Variants in CEP112 observed in about 807,000 individuals in gnomAD.
CEP112 encodes the protein centrosomal protein of 112 kDa.
A neutral mutation model predicts 153.0 loss-of-function variants in CEP112; 127 were observed. That is an observed-to-expected ratio of 0.83 (90% confidence interval 0.72 to 0.96). The LOEUF (loss-of-function observed/expected upper bound fraction) is 0.96. Among genes scored for constraint, CEP112 ranks in the 40% least tolerant of loss-of-function variants. CEP112 has a pLI of 0.00. For missense variants in CEP112, 1,089 were observed against 1,101.2 expected (o/e 0.99, Z 0.16); for synonymous variants, 358 against 374.4 (o/e 0.96, Z 0.51).
chr17:66,027,933 GT>G (rs2065287636), intron 15 of CEP112, among the ~76,000 whole-genome samples: 1 of 151,180 alleles, frequency 6.6e-6, no homozygotes, highest in African/African-American at 2.4e-5. Context: ...GATCTAAAAG[GT>G]GCAAAAGAGA....
chr17:65,897,161 T>C (rs1352695591), intron 20 of CEP112, among the ~76,000 whole-genome samples: 1 of 151,978 alleles, frequency 6.6e-6, no homozygotes, highest in Non-Finnish European at 1.5e-5. Context: ...AAAAACAGGG[T>C]TACATTAACA....
chr17:66,076,240 A>G (rs2067489498), intron 8 of CEP112, among the ~76,000 whole-genome samples: 1 of 20,730 alleles, frequency 4.8e-5, no homozygotes. Context: ...CCCAGTGTGC[A>G]GACTCCACAG....
chr17:65,801,591 G>A (rs572439307), intron 21 of CEP112, among the ~76,000 whole-genome samples: 34 of 151,984 alleles, frequency 2.2e-4, no homozygotes, highest in Admixed American at 3.9e-4. Context: ...AAATTATCTC[G>A]GTTTGTGTTT....
chr17:65,963,067 C>G (rs967630266), intron 17 of CEP112, among the ~76,000 whole-genome samples: 4 of 152,156 alleles, frequency 2.6e-5, no homozygotes, highest in African/African-American at 9.7e-5. Context: ...CAAGGTTACA[C>G]ACCTAGAGTA....
intron 21 of CEP112, among the ~76,000 whole-genome samples, chr17:65,838,857 T>C (rs2057414235): frequency 6.7e-6 from 1 of 150,134 alleles, no homozygotes; most frequent in Non-Finnish European, 1.5e-5. Flanking sequence ...ATCAGTAGAG[T>C]CTATTATAAA....
At chr17:65,813,711 T>A (rs930070077) in intron 21 of CEP112, among the ~76,000 whole-genome samples, 2 of 152,206 alleles carry the variant, frequency 1.3e-5, no homozygotes, top group Non-Finnish European at 2.9e-5. Context: ...GCTTTACACA[T>A]GGAAAGCACA....
chr17:65,996,296 T>C (rs2063789922), intron 17 of CEP112, among the ~76,000 whole-genome samples: 1 of 151,354 alleles, frequency 6.6e-6, no homozygotes, highest in Admixed American at 6.6e-5. Flanking sequence ...CATTATGCAG[T>C]ATATCCATGT....
At chr17:65,660,334 CTT>C (rs1284993558) in intron 24 of CEP112, among the ~76,000 whole-genome samples, 1 of 93,118 alleles carries the variant, frequency 1.1e-5, no homozygotes, top group Non-Finnish European at 2.1e-5. Flanking sequence ...CTTTCTCTTT[CTT>C]TCTTTTTCTC....
intron 21 of CEP112, among the ~76,000 whole-genome samples, chr17:65,798,885 C>T (rs1334164826): frequency 7.9e-5 from 12 of 152,050 alleles, no homozygotes; most frequent in Non-Finnish European, 1.3e-4. Context: ...GAATTTGTTC[C>T]GGAGTGCTTT....
chr17:66,125,636 T>C (rs973251440), intron 6 of CEP112, among the ~76,000 whole-genome samples: 3 of 151,958 alleles, frequency 2.0e-5, no homozygotes, highest in Non-Finnish European at 2.9e-5. Flanking sequence ...TTAATGAGAA[T>C]TGTCCCAACT....
At chr17:65,962,818 C>T (rs2062260108) in intron 17 of CEP112, among the ~76,000 whole-genome samples, 2 of 152,204 alleles carry the variant, frequency 1.3e-5, no homozygotes, top group Admixed American at 6.5e-5. Context: ...TAAGATGTGA[C>T]TTGCTCCTCC....
intron 6 of CEP112, among the ~76,000 whole-genome samples, chr17:66,109,684 G>C (rs1215019429): frequency 1.3e-5 from 2 of 152,012 alleles, no homozygotes; most frequent in Admixed American, 1.3e-4. Context: ...TCTCGATGTT[G>C]CAAAAAATGT....
chr17:66,020,339 G>T (rs2064953085), intron 16 of CEP112, among the ~76,000 whole-genome samples: 1 of 122,354 alleles, frequency 8.2e-6, no homozygotes, highest in Non-Finnish European at 1.8e-5. Flanking sequence ...AATTTATTAT[G>T]ATTTAAAAGA....
chr17:66,105,731 T>C (rs1333381862), intron 6 of CEP112, among the ~76,000 whole-genome samples: 6 of 152,020 alleles, frequency 3.9e-5, no homozygotes, highest in Non-Finnish European at 8.8e-5. Flanking sequence ...GAGTCAGAGG[T>C]TGCAGTAGCC....
At chr17:66,120,743 T>C (rs2069538047) in intron 6 of CEP112, among the ~76,000 whole-genome samples, 1 of 152,212 alleles carries the variant, frequency 6.6e-6, no homozygotes, top group Non-Finnish European at 1.5e-5. Flanking sequence ...AAATCTATTC[T>C]TTTCATTCTT....
Position 66,191,275 on chromosome 17 carries a change from C to A in CEP112, c.-9+722G>T, listed in dbSNP as rs230599. Among the ~76,000 whole-genome samples, 498 of 152,308 alleles carry A rather than the reference C, an allele frequency of 3.3e-3. 2 individuals are homozygous for A. The highest frequency in any genetic ancestry group is 0.012 in the African/African-American group (481 of 41,558). The stretch of plus-strand genomic sequence containing the variant: ...ACCATGCATTCCACTAAGCTGCAGC[C>A]TGACCACTGTGGAGAGGCTCATGGA... On this transcript the variant is annotated intron_variant, in intron 1 of 26. Transcript: ENST00000535342. This position sits in a 1 kb window ranked among gnomAD's most constrained non-coding sequence, Gnocchi z 4.2.
intron 12 of CEP112, among the ~76,000 whole-genome samples, chr17:66,032,550 C>T (rs764313087): frequency 2.4e-4 from 37 of 152,272 alleles, no homozygotes; most frequent in Admixed American, 7.8e-4. Context: ...AAGATTGCAA[C>T]TCAGCCTTGA....
At chr17:65,893,214 A>T (rs541061938) in intron 20 of CEP112, among the ~76,000 whole-genome samples, 2 of 152,066 alleles carry the variant, frequency 1.3e-5, no homozygotes, top group Non-Finnish European at 2.9e-5. Context: ...CTGTCCCTAC[A>T]AACAAGGGAA....
At chr17:66,012,579 G>A (rs980861758) in intron 16 of CEP112, among the ~76,000 whole-genome samples, 6 of 152,198 alleles carry the variant, frequency 3.9e-5, no homozygotes, top group Admixed American at 3.3e-4. Context: ...GATTTGTACG[G>A]TTTCTTCTGA....
Sources: allele counts gnomAD v4.1 joint callset (sites outside exome capture counted in the v4.1 genomes callset), GRCh38; gene constraint gnomAD v4.1.1; non-coding constraint Gnocchi (gnomAD v3.1); transcripts MANE v1.5; gene names NCBI Gene and HGNC (gene_info 2026-07-23, HGNC 2026-07-21).